MECOM: variants seen among roughly 807,000 people sequenced by gnomAD.
The protein encoded by MECOM is histone-lysine N-methyltransferase MECOM.
In MECOM, 13 loss-of-function variants were observed where a neutral mutation model predicts 116.3. That is an observed-to-expected ratio of 0.11 (90% confidence interval 0.07 to 0.18). MECOM has a LOEUF of 0.18. MECOM is among the 10% of genes least tolerant of loss of function. MECOM has a pLI of 1.00. For missense variants in MECOM, 1,299 were observed against 1,509.0 expected, an observed-to-expected ratio of 0.86 and a Z score of 2.31; for synonymous variants, 528 against 535.2, an observed-to-expected ratio of 0.99 and a Z score of 0.19.
chr3:169,352,820 A>G (rs573385764), intron 2 of MECOM, among the ~76,000 whole-genome samples: 41 of 152,048 alleles, frequency 2.7e-4, no homozygotes, highest in Non-Finnish European at 4.1e-4. Context: ...GAAGCTATTC[A>G]ACGCAGAAAA....
intron 2 of MECOM, among the ~76,000 whole-genome samples, chr3:169,247,799 C>A (rs1166803718): frequency 6.6e-6 from 1 of 152,138 alleles, no homozygotes; most frequent in Non-Finnish European, 1.5e-5. Flanking sequence ...GAGAAATTTT[C>A]TAAAAAATAC....
In MECOM at chr3:169,090,120, T is replaced by C. The variant is rs969559009; in HGVS notation, c.3281A>G (p.Asn1094Ser). 11 of 1,613,552 alleles carry C rather than the reference T, an allele frequency of 6.8e-6. No homozygotes were observed. The African/African-American group carries it at 8.0e-5, about 12-fold the overall frequency. The change falls in exon 15 of 17, where the codon AAT becomes AGT. Residue 1094 changes from asparagine to serine, a missense_variant. This residue lies in a region of MECOM where 273 missense variants were observed against 289.3 expected (regional missense o/e 0.94). Transcript: ENST00000651503. Reference protein sequence around the residue: ...EVLLDEEDEDNDITGKTGKEP... With the variant: ...EVLLDEEDEDSDITGKTGKEP... Reference sequence around the variant, plus strand: ...CTTTCCTGTTTTTCCAGTAATATCATTGTCTTCATCCTCCTCATCTAACAA... The same window carrying C: ...CTTTCCTGTTTTTCCAGTAATATCACTGTCTTCATCCTCCTCATCTAACAA...
chr3:169,548,438 T>C lies in MECOM; in HGVS notation c.37+114898A>G, dbSNP rs138054555. ...TAATTGGTTGGCCCTATATGATTCA[T>C]AGGTACGCAATTAATAGCTGCAGCA... On this transcript the variant is annotated intron_variant, in intron 1 of 16. Coordinates refer to ENST00000651503, the MANE Select transcript of MECOM (RefSeq NM_004991.4). Among the ~76,000 whole-genome samples the C allele has an allele frequency of 4.3e-3, 651 of 152,312 alleles. 4 individuals are homozygous for C. Among genetic ancestry groups the C allele is most frequent in the African/African-American group, 0.015 (621 of 41,562 alleles).
chr3:169,463,204 A>C (rs1253930744), intron 1 of MECOM, among the ~76,000 whole-genome samples: 1 of 152,202 alleles, frequency 6.6e-6, no homozygotes, highest in East Asian at 1.9e-4. Flanking sequence ...GGGCATTAAA[A>C]AAGAAACCAC....
intron 2 of MECOM, among the ~76,000 whole-genome samples, chr3:169,243,179 T>C (rs1221197561): frequency 2.0e-5 from 3 of 152,202 alleles, no homozygotes; most frequent in Non-Finnish European, 4.4e-5. Flanking sequence ...CACTTGACTT[T>C]TTCAGGCACA....
chr3:169,634,088 C>T (rs541847360), intron 1 of MECOM, among the ~76,000 whole-genome samples: 3 of 152,222 alleles, frequency 2.0e-5, no homozygotes, highest in South Asian at 4.1e-4. Flanking sequence ...AGCAAGAGCA[C>T]TGAGATGCTC....
At chr3:169,275,356 T>C (rs918436896) in intron 2 of MECOM, among the ~76,000 whole-genome samples, 8 of 152,218 alleles carry the variant, frequency 5.3e-5, no homozygotes, top group Admixed American at 2.0e-4. Context: ...CCTCATAGGG[T>C]TAGATATTTA....
intron 12 of MECOM, among the ~76,000 whole-genome samples, chr3:169,096,756 C>T (rs1721627952): frequency 6.6e-6 from 1 of 152,092 alleles, no homozygotes; most frequent in Admixed American, 6.5e-5. Flanking sequence ...TTATGTGATG[C>T]CAGAAGTCTA....
Position 169,651,337 on chromosome 3 carries a change from C to G in MECOM, c.37+11999G>C, listed in dbSNP as rs7614040. Among the ~76,000 whole-genome samples, 795 of 152,240 alleles carry G rather than the reference C, an allele frequency of 5.2e-3. 3 individuals carry two copies. Among genetic ancestry groups the G allele is most frequent in the African/African-American group, 0.017 (707 of 41,522 alleles). ...TATTTATTGACTTGTGTATATTAAA[C>G]CATCCCTGCAAGTGATATGAAACCC... On this transcript the variant is annotated intron_variant, in intron 1 of 16. Coordinates refer to ENST00000651503, the MANE Select transcript of MECOM (RefSeq NM_004991.4).
intron 2 of MECOM, among the ~76,000 whole-genome samples, chr3:169,357,591 A>T (rs998167817): frequency 6.6e-6 from 1 of 151,806 alleles, no homozygotes; most frequent in African/African-American, 2.4e-5. Flanking sequence ...GGTATAGACA[A>T]ATGCCCTGCA....
intron 1 of MECOM, among the ~76,000 whole-genome samples, chr3:169,486,419 G>T (rs1235675309): frequency 6.6e-6 from 1 of 151,934 alleles, no homozygotes; most frequent in African/African-American, 2.4e-5. Flanking sequence ...AAACCAAACA[G>T]CAAGGCTCAG....
intron 1 of MECOM, among the ~76,000 whole-genome samples, chr3:169,641,460 G>A (rs1187141536): frequency 1.3e-5 from 2 of 152,110 alleles, no homozygotes; most frequent in Non-Finnish European, 2.9e-5. Context: ...GAGATTTGAC[G>A]CTATTCATTG....
At chr3:169,606,943 C>T (rs1768653479) in intron 1 of MECOM, among the ~76,000 whole-genome samples, 1 of 152,168 alleles carries the variant, frequency 6.6e-6, no homozygotes, top group Admixed American at 6.5e-5. Flanking sequence ...TAGCCTATAA[C>T]TGAATAGCCA....
At chr3:169,514,398 G>A (rs1259282247) in intron 1 of MECOM, among the ~76,000 whole-genome samples, 1 of 152,188 alleles carries the variant, frequency 6.6e-6, no homozygotes, top group Non-Finnish European at 1.5e-5. Context: ...TTGGGGGACA[G>A]AGGGAGTCGG....
chr3:169,095,016 T>C (rs1441503959), intron 13 of MECOM, 60 bp downstream of exon 13: 1 of 1,374,434 alleles, frequency 7.3e-7, no homozygotes, highest in Non-Finnish European at 9.7e-7. Flanking sequence ...CATTATCTTA[T>C]TATCTTTTAA....
At chr3:169,546,644 A>G (rs1365028403) in intron 1 of MECOM, among the ~76,000 whole-genome samples, 2 of 152,230 alleles carry the variant, frequency 1.3e-5, no homozygotes, top group Non-Finnish European at 2.9e-5. Flanking sequence ...CTGTATCCAA[A>G]CAACCCAAAA....
chr3:169,338,241 A>G (rs949860057), intron 2 of MECOM, among the ~76,000 whole-genome samples: 1 of 152,142 alleles, frequency 6.6e-6, no homozygotes, highest in African/African-American at 2.4e-5. Context: ...CTCATTCTTC[A>G]GGCACCAGCT....
At chr3:169,513,658 C>A (rs769099685) in intron 1 of MECOM, among the ~76,000 whole-genome samples, 6 of 152,126 alleles carry the variant, frequency 3.9e-5, no homozygotes, top group African/African-American at 1.2e-4. Context: ...AAAATGAATT[C>A]TTTCCTTTAA....
At chr3:169,472,594 A>AAAGGGAAGGG (rs1560318563) in intron 1 of MECOM, among the ~76,000 whole-genome samples, 1 of 62,798 alleles carries the variant, frequency 1.6e-5, no homozygotes, top group Non-Finnish European at 2.8e-5. Context: ...AAAGGAAAGG[A>AAAGGGAAGGG]AAGGAAAGGA....
Sources: allele counts gnomAD v4.1 joint callset (sites outside exome capture counted in the v4.1 genomes callset), GRCh38; gene constraint gnomAD v4.1.1; regional missense constraint gnomAD v4.1.1; transcripts MANE v1.5; gene names NCBI Gene and HGNC (gene_info 2026-07-23, HGNC 2026-07-21).